The following DEUP1 variants were observed in gnomAD, a reference collection of about 807,000 sequenced individuals.
The protein encoded by DEUP1 is coiled-coil domain containing 67.
A neutral mutation model predicts 87.4 loss-of-function variants in DEUP1; 82 were observed. The observed-to-expected ratio is 0.94, with a 90% CI of 0.78 to 1.13. The LOEUF is 1.13. Ranked by LOEUF, DEUP1 falls within the 50% of genes most tolerant of loss-of-function variation. The pLI, the probability that DEUP1 is intolerant of heterozygous loss-of-function variation, is 0.00. For missense variants in DEUP1, 663 were observed against 681.5 expected (o/e 0.97, Z 0.30); for synonymous variants, 214 against 222.7 (o/e 0.96, Z 0.35).
chr11:93,370,049 G>A (rs1272717115), intron 5 of DEUP1, 24 bp from the exon 6 acceptor site: 2 of 1,190,626 alleles, frequency 1.7e-6, no homozygotes, highest in African/African-American at 1.5e-5. Flanking sequence ...TTTTAAATAT[G>A]TTTGTCTCCC....
In DEUP1 at chr11:93,347,058, G is replaced by C. The variant is rs60040467; in HGVS notation, c.30-8313G>C. 7.5e-3 allele frequency among the ~76,000 whole-genome samples: 1,142 copies of C among 152,216 alleles called. 15 individuals carry two copies. Among genetic ancestry groups the C allele is most frequent in the African/African-American group, 0.027 (1,102 of 41,520 alleles). On this transcript the variant is annotated intron_variant, in intron 2 of 13. Transcript: ENST00000298050. ...TTTCTTTCCCTTGCCTGATTGCCCT[G>C]GCCAGGACTTCCAATACTATGTTGA... is the stretch of plus-strand genomic sequence containing the variant.
Position 93,371,281 on chromosome 11 carries a change from G to A in DEUP1, c.789+1G>A, listed in dbSNP as rs1457385183. ...GAAAATGTACCAAAGACAGTGCCAG[G>A]TGAAGATTAATTTTTTTTCAACTAA... On this transcript the variant is annotated splice_donor_variant, in intron 7 of 13. Transcript: ENST00000298050. LOFTEE classifies it high-confidence loss of function. The A allele has an allele frequency of 1.2e-6, 2 of 1,607,560 alleles. No homozygotes were observed. The highest frequency in any genetic ancestry group is 2.2e-5 in the East Asian group (1 of 44,754).
Position 93,385,405 on chromosome 11 carries a change from A to T in DEUP1, c.797A>T (p.Glu266Val), listed in dbSNP as rs779927769. The change falls in exon 8 of 14, where the codon GAA becomes GTA. Residue 266 changes from glutamate to valine, a missense_variant. Physicochemically the swap from Glu to Val is moderately radical, Grantham distance 121. Transcript: ENST00000298050. The part of the protein sequence containing the change: ...KMYQRQCQAM[E>V]AGLSEVKSEL... ...TTTGATGTTTTTATTCAGGCCATGG[A>T]AGCAGGTCTCTCAGAGGTAAAAAGT... is the stretch of plus-strand genomic sequence containing the variant. 28 of 1,613,192 alleles carry T rather than the reference A, an allele frequency of 1.7e-5. No homozygotes were observed. The South Asian group carries it at 2.8e-4, about 16-fold the overall frequency.
chr11:93,403,912 T>C (rs1947194381), intron 11 of DEUP1, among the ~76,000 whole-genome samples: 1 of 152,108 alleles, frequency 6.6e-6, no homozygotes, highest in Non-Finnish European at 1.5e-5. Context: ...ACAAGATATT[T>C]ACATCATTAT....
chr11:93,343,900 C>G (rs1944199277), intron 2 of DEUP1, among the ~76,000 whole-genome samples: 2 of 151,868 alleles, frequency 1.3e-5, no homozygotes, highest in African/African-American at 4.8e-5. Context: ...AAGCTTATTG[C>G]AAATGAGGGA....
At chr11:93,435,370 C>T (rs1038685985) in intron 13 of DEUP1, among the ~76,000 whole-genome samples, 1 of 152,184 alleles carries the variant, frequency 6.6e-6, no homozygotes, top group East Asian at 1.9e-4. Flanking sequence ...TGCATAATTC[C>T]CACTGAGGTA....
At chr11:93,430,606 G>T (rs1948074733) in intron 13 of DEUP1, among the ~76,000 whole-genome samples, 1 of 152,124 alleles carries the variant, frequency 6.6e-6, no homozygotes, top group Non-Finnish European at 1.5e-5. Context: ...AAGGAGCAGT[G>T]GCTTAAGGAG....
intron 2 of DEUP1, among the ~76,000 whole-genome samples, chr11:93,336,657 A>T (rs1943781768): frequency 6.6e-6 from 1 of 152,124 alleles, no homozygotes; most frequent in Non-Finnish European, 1.5e-5. Context: ...CATCTACTGT[A>T]CCTGGTGTTC....
Position 93,370,159 on chromosome 11 carries a change from A to C in DEUP1, c.519A>C (p.Leu173Phe), listed in dbSNP as rs761623508. 1 of 1,581,476 alleles carries C rather than the reference A, an allele frequency of 6.3e-7. No homozygotes were observed. The highest frequency in any genetic ancestry group is 1.3e-5 in the African/African-American group (1 of 74,430). ...TTTCTTTAGATGCTCAACAAAAATT[A>C]TTATCTGAGAAGTGTAATCAGTTTC... ...HLISLDAQQKLLSEKCNQFQK... is the reference protein window; with the variant it reads ...HLISLDAQQKFLSEKCNQFQK... The change falls in exon 6 of 14, where the codon TTA (leucine) becomes TTC (phenylalanine). Residue 173 changes from leucine (L) to phenylalanine (F), a missense_variant. Transcript: ENST00000298050.
intron 2 of DEUP1, chr11:93,352,467 A>C (rs1944674441): frequency 1.5e-6 from 1 of 684,224 alleles, no homozygotes; most frequent in African/African-American, 1.8e-5. Flanking sequence ...CTGTTATACT[A>C]AGCATTTTGT....
intron 2 of DEUP1, among the ~76,000 whole-genome samples, chr11:93,349,387 A>G (rs1212335710): frequency 7.0e-6 from 1 of 142,864 alleles, no homozygotes; most frequent in East Asian, 2.0e-4. Flanking sequence ...TTAGATAAGA[A>G]TAAACCCACC....
chr11:93,357,118 T>A, intron 4 of DEUP1, 75 bp downstream of exon 4: 1 of 884,582 alleles, frequency 1.1e-6, no homozygotes, highest in Non-Finnish European at 1.7e-6. Context: ...GTGTTAACTT[T>A]AAACTGTTTT....
chr11:93,362,968 C>T (rs1250223088), intron 4 of DEUP1, among the ~76,000 whole-genome samples: 4 of 151,648 alleles, frequency 2.6e-5, no homozygotes, highest in Admixed American at 6.6e-5. Context: ...TTGTTCATAG[C>T]ATTATTTACA....
At chr11:93,342,904 G>A (rs550379584) in intron 2 of DEUP1, among the ~76,000 whole-genome samples, 4 of 152,252 alleles carry the variant, frequency 2.6e-5, no homozygotes, top group East Asian at 3.9e-4. Flanking sequence ...TTTTTATCTC[G>A]AGCAACTGGT....
chr11:93,335,852 C>T (rs1473017430), intron 2 of DEUP1, among the ~76,000 whole-genome samples: 2 of 152,142 alleles, frequency 1.3e-5, no homozygotes, highest in East Asian at 1.9e-4. Flanking sequence ...CAGTGGCTGA[C>T]GCCTGTAATC....
intron 3 of DEUP1, 109 bp downstream of exon 3, chr11:93,355,651 G>A: frequency 1.1e-6 from 1 of 944,664 alleles, no homozygotes; most frequent in South Asian, 2.2e-5. Flanking sequence ...ATCAGCAACA[G>A]CATTTATTGC....
chr11:93,388,696 G>A (rs1438255109), intron 8 of DEUP1, among the ~76,000 whole-genome samples: 1 of 152,044 alleles, frequency 6.6e-6, no homozygotes, highest in Non-Finnish European at 1.5e-5. Context: ...GGGTTACCAA[G>A]CTATTTTATT....
At chr11:93,385,869 A>G (rs1212672297) in intron 8 of DEUP1, among the ~76,000 whole-genome samples, 3 of 151,960 alleles carry the variant, frequency 2.0e-5, no homozygotes, top group African/African-American at 7.3e-5. Context: ...CTTAGGCAAC[A>G]TAGTGAGACC....
intron 13 of DEUP1, among the ~76,000 whole-genome samples, chr11:93,418,830 C>T (rs1489049812): frequency 6.6e-6 from 1 of 152,096 alleles, no homozygotes; most frequent in South Asian, 2.1e-4. Context: ...GGCACATATA[C>T]ATCATGGAAT....
Sources: allele counts gnomAD v4.1 joint callset (sites outside exome capture counted in the v4.1 genomes callset), GRCh38; gene constraint gnomAD v4.1.1; transcripts MANE v1.5; gene names NCBI Gene and HGNC (gene_info 2026-07-23, HGNC 2026-07-21).